WDFY3: variants seen among roughly 807,000 people sequenced by gnomAD.
The protein encoded by WDFY3 is WD repeat and FYVE domain containing 3.
A neutral mutation model predicts 409.6 loss-of-function variants in WDFY3; 66 were observed. The observed-to-expected ratio is 0.16, with a 90% CI of 0.13 to 0.20. The LOEUF (loss-of-function observed/expected upper bound fraction) is 0.20. Among genes scored for constraint, WDFY3 ranks in the 10% least tolerant of loss-of-function variants. WDFY3 has a pLI of 1.00. For missense variants in WDFY3, 3,031 were observed against 4,298.1 expected (o/e 0.71, Z 8.24); for synonymous variants, 1,521 against 1,537.1 (o/e 0.99, Z 0.25).
At chr4:84,850,928 G>GTTTTTTTTTTT (rs869074191) in intron 4 of WDFY3, among the ~76,000 whole-genome samples, 19 of 46,238 alleles carry the variant, frequency 4.1e-4, no homozygotes, top group East Asian at 8.8e-4. Flanking sequence ...TTATTTATCT[G>GTTTTTTTTTTT]TTTTTTTTTT....
intron 1 of WDFY3, among the ~76,000 whole-genome samples, chr4:84,943,595 T>TA (rs1387454648): frequency 2.6e-5 from 4 of 152,146 alleles, no homozygotes; most frequent in Non-Finnish European, 5.9e-5. Context: ...TATCAGTAAT[T>TA]AAGTTTTGGG....
intron 30 of WDFY3, among the ~76,000 whole-genome samples, chr4:84,772,222 A>G (rs1490745919): frequency 6.6e-6 from 1 of 152,190 alleles, no homozygotes; most frequent in Admixed American, 6.5e-5. Flanking sequence ...AGGTCCTTTC[A>G]ATGCATTCCA....
chr4:84,922,019 G>T (rs1233029112), intron 2 of WDFY3, among the ~76,000 whole-genome samples: 1 of 151,534 alleles, frequency 6.6e-6, no homozygotes, highest in South Asian at 2.1e-4. Context: ...TACATTTATT[G>T]TATATAAAAA....
chr4:84,785,623 T>C (rs1198090160), intron 24 of WDFY3, among the ~76,000 whole-genome samples: 1 of 152,230 alleles, frequency 6.6e-6, no homozygotes, highest in Non-Finnish European at 1.5e-5. Flanking sequence ...TCCACTGCTA[T>C]GTCCTGAACT....
chr4:84,842,158 G>A (rs1757448887), intron 5 of WDFY3, among the ~76,000 whole-genome samples: 1 of 152,112 alleles, frequency 6.6e-6, no homozygotes, highest in African/African-American at 2.4e-5. Context: ...AGTAACATAT[G>A]ATAGGAGTTA....
At position 84,766,115 on chromosome 4, in the gene WDFY3, A is replaced by G. The variant is rs1032927382; in HGVS notation, c.4971-88T>C. 60 of 1,514,240 alleles carry G rather than the reference A, an allele frequency of 4.0e-5. No individual in the cohort carries two copies. In the Middle Eastern group the frequency reaches 8.8e-4, roughly 22 times the overall value. 93.8% of individuals were successfully genotyped at this position (1,514,240 alleles called of 1,614,324 possible). On this transcript the variant is annotated intron_variant, in intron 31 of 67. Transcript: ENST00000295888. The stretch of plus-strand genomic sequence containing the variant: ...AAATCAAAAAGGAAAAAGAAGACTG[A>G]GTTTCATTCTGGAGATACTATAAAT...
intron 2 of WDFY3, among the ~76,000 whole-genome samples, chr4:84,922,497 G>C (rs1769417120): frequency 6.6e-6 from 1 of 152,168 alleles, no homozygotes; most frequent in Admixed American, 6.5e-5. Flanking sequence ...GTAGTTGTGT[G>C]TCAGGACAGG....
At chr4:84,919,220 C>T (rs1054214920) in intron 2 of WDFY3, among the ~76,000 whole-genome samples, 6 of 151,892 alleles carry the variant, frequency 4.0e-5, no homozygotes, top group Non-Finnish European at 8.8e-5. Flanking sequence ...AATAGGAAAC[C>T]ATAAATTCAA....
intron 13 of WDFY3, among the ~76,000 whole-genome samples, chr4:84,811,545 A>G (rs1048568737): frequency 6.6e-6 from 1 of 152,190 alleles, no homozygotes; most frequent in Non-Finnish European, 1.5e-5. Flanking sequence ...AGGCAGTCTA[A>G]TTACCCTACT....
chr4:84,758,659 A>G (rs1427448462), intron 32 of WDFY3, among the ~76,000 whole-genome samples: 2 of 152,188 alleles, frequency 1.3e-5, no homozygotes, highest in African/African-American at 4.8e-5. Flanking sequence ...TGCTTTCAAA[A>G]TATTTTATCC....
chr4:84,954,440 T>G (rs1042021560), intron 1 of WDFY3, among the ~76,000 whole-genome samples: 1 of 152,202 alleles, frequency 6.6e-6, no homozygotes, highest in African/African-American at 2.4e-5. Context: ...GGAAAGAACT[T>G]GGACTGTAGG....
chr4:84,674,832 C>G (rs1725989747), intron 67 of WDFY3, among the ~76,000 whole-genome samples: 1 of 149,670 alleles, frequency 6.7e-6, no homozygotes, highest in African/African-American at 2.5e-5. Context: ...CACGCCACTG[C>G]ACTCCAGCCT....
intron 5 of WDFY3, among the ~76,000 whole-genome samples, chr4:84,847,802 CAAAAAA>C (rs1216270148): frequency 1.0e-5 from 1 of 100,062 alleles, no homozygotes; most frequent in African/African-American, 3.7e-5. Flanking sequence ...AAAAAAAAAA[CAAAAAA>C]AAACAAAAAA....
chr4:84,947,581 C>T (rs1476452496), intron 1 of WDFY3, among the ~76,000 whole-genome samples: 1 of 147,814 alleles, frequency 6.8e-6, no homozygotes, highest in African/African-American at 2.5e-5. Context: ...AATAAAAATT[C>T]CTGCTAGGCT....
intron 36 of WDFY3, among the ~76,000 whole-genome samples, chr4:84,749,095 G>A (rs1377292299): frequency 6.6e-6 from 1 of 151,936 alleles, no homozygotes; most frequent in East Asian, 1.9e-4. Context: ...CCTGTTGCCC[G>A]GGTTGGTCTT....
At chr4:84,845,762 TA>T (rs1758004157) in intron 5 of WDFY3, among the ~76,000 whole-genome samples, 1 of 151,972 alleles carries the variant, frequency 6.6e-6, no homozygotes, top group African/African-American at 2.4e-5. Flanking sequence ...TCCAATGTTC[TA>T]AACTAAAAAT....
chr4:84,760,160 G>C (rs1463781537), intron 32 of WDFY3, among the ~76,000 whole-genome samples: 1 of 151,910 alleles, frequency 6.6e-6, no homozygotes, highest in Admixed American at 6.6e-5. Context: ...AAGCCCACCT[G>C]ATCATGGTGG....
At chr4:84,832,012 T>C (rs1054967047) in intron 7 of WDFY3, among the ~76,000 whole-genome samples, 3 of 152,096 alleles carry the variant, frequency 2.0e-5, no homozygotes, top group Non-Finnish European at 4.4e-5. Flanking sequence ...GGAAATGAAA[T>C]TCGTATGTCA....
At position 84,735,140 on chromosome 4, in the gene WDFY3, G is replaced by C. The variant is rs1372696020; in HGVS notation, c.6916-20C>G. On this transcript the variant is annotated intron_variant, in intron 42 of 67. Coordinates refer to ENST00000295888, the MANE Select transcript of WDFY3 (RefSeq NM_014991.6). Reference sequence around the variant, plus strand: ...AATCTCCTAACAATGGATGGAAAAAGAGTCTTAATATTTCATGGATTTCTG... The same window carrying C: ...AATCTCCTAACAATGGATGGAAAAACAGTCTTAATATTTCATGGATTTCTG... 6.2e-7 allele frequency: 1 copy of C among 1,600,446 alleles called. No individual in the cohort carries two copies. Among genetic ancestry groups the C allele is most frequent in the Admixed American group, 1.7e-5 (1 of 58,780 alleles).
Sources: allele counts gnomAD v4.1 joint callset (sites outside exome capture counted in the v4.1 genomes callset), GRCh38; gene constraint gnomAD v4.1.1; transcripts MANE v1.5; gene names NCBI Gene and HGNC (gene_info 2026-07-23, HGNC 2026-07-21).